Variants in THSD7B observed in about 807,000 individuals in gnomAD.
THSD7B encodes the protein thrombospondin type 1 domain containing 7B, also known as thrombospondin type-1 domain-containing protein 7B.
In THSD7B, 138 loss-of-function variants were observed where a neutral mutation model predicts 213.6. That is an observed-to-expected ratio of 0.65 (90% CI 0.56 to 0.74). THSD7B has a LOEUF of 0.74. Among genes scored for constraint, THSD7B ranks in the 30% least tolerant of loss-of-function variants. The pLI is 0.00. For missense variants in THSD7B, 1,931 were observed against 1,991.5 expected, an observed-to-expected ratio of 0.97 and a Z score of 0.58; for synonymous variants, 742 against 687.0, an observed-to-expected ratio of 1.08 and a Z score of -1.25.
chr2:137,228,005 A>C (rs1681548778), intron 7 of THSD7B, among the ~76,000 whole-genome samples: 1 of 152,294 alleles, frequency 6.6e-6, no homozygotes, highest in African/African-American at 2.4e-5. Flanking sequence ...TCATTATTTG[A>C]TTCCTACAAA....
At chr2:137,623,126 T>G (rs1378582410) in intron 20 of THSD7B, among the ~76,000 whole-genome samples, 1 of 152,140 alleles carries the variant, frequency 6.6e-6, no homozygotes. Flanking sequence ...AAAGCTTACC[T>G]ACCACGATCA....
At chr2:137,294,583 C>CA (rs1210363889) in intron 12 of THSD7B, among the ~76,000 whole-genome samples, 4,884 of 72,760 alleles carry the variant, frequency 0.067, 161 homozygotes, top group South Asian at 0.1. Flanking sequence ...AACTCCATCT[C>CA]AAAAAAAAAA....
intron 14 of THSD7B, among the ~76,000 whole-genome samples, chr2:137,417,255 T>C (rs537098171): frequency 4.6e-4 from 70 of 152,326 alleles, no homozygotes; most frequent in Middle Eastern, 3.4e-3. Flanking sequence ...AGATTTGCTG[T>C]GTATGTATTG....
chr2:137,166,922 T>G (rs1680146343), intron 6 of THSD7B, among the ~76,000 whole-genome samples: 1 of 152,152 alleles, frequency 6.6e-6, no homozygotes, highest in African/African-American at 2.4e-5. Context: ...TCATGCTGAC[T>G]TCACCCTATC....
chr2:137,367,036 T>A (rs1438664577), intron 12 of THSD7B, among the ~76,000 whole-genome samples: 1 of 152,170 alleles, frequency 6.6e-6, no homozygotes, highest in Non-Finnish European at 1.5e-5. Flanking sequence ...TCAGACTTCA[T>A]TCACCTGGGT....
intron 10 of THSD7B, among the ~76,000 whole-genome samples, chr2:137,245,950 A>G (rs10211290): frequency 0.55 from 83,175 of 151,972 alleles, 24,841 homozygotes; most frequent in South Asian, 0.77. Flanking sequence ...GGAATTGTAT[A>G]TTTCTATAAG....
chr2:137,384,705 G>A (rs115531181), intron 12 of THSD7B, among the ~76,000 whole-genome samples: 3,097 of 152,244 alleles, frequency 0.02, 109 homozygotes, highest in African/African-American at 0.069. Context: ...GAGTGACTTG[G>A]CAGAAGGAGG....
At chr2:137,056,297 T>C (rs538068391) in intron 2 of THSD7B, 123 bp from the exon 3 acceptor site, 2 of 954,334 alleles carry the variant, frequency 2.1e-6, no homozygotes, top group Non-Finnish European at 3.0e-6. Context: ...GTTGTCTCTG[T>C]TCCACCAAAA....
chr2:137,472,177 A>G (rs1688107230), intron 15 of THSD7B, among the ~76,000 whole-genome samples: 1 of 152,188 alleles, frequency 6.6e-6, no homozygotes, highest in African/African-American at 2.4e-5. Context: ...CCTTAATGCC[A>G]GAATATGAGA....
chr2:137,001,211 G>A (rs1033161385), intron 2 of THSD7B, among the ~76,000 whole-genome samples: 1 of 152,002 alleles, frequency 6.6e-6, no homozygotes, highest in East Asian at 1.9e-4. Flanking sequence ...TCCCCAGTGT[G>A]GTGATGACTG....
At chr2:137,364,230 T>C (rs564727428) in intron 12 of THSD7B, among the ~76,000 whole-genome samples, 1 of 152,316 alleles carries the variant, frequency 6.6e-6, no homozygotes, top group Non-Finnish European at 1.5e-5. Context: ...AACTAGGTAT[T>C]GATGGGACAT....
chr2:137,589,891 G>A (rs1356360485), intron 17 of THSD7B, among the ~76,000 whole-genome samples: 1 of 152,116 alleles, frequency 6.6e-6, no homozygotes, highest in Non-Finnish European at 1.5e-5. Flanking sequence ...GTTAGATTGA[G>A]ATCATTTATG....
intron 1 of THSD7B, among the ~76,000 whole-genome samples, chr2:136,881,669 A>G (rs1394259966): frequency 2.6e-5 from 4 of 152,024 alleles, no homozygotes; most frequent in African/African-American, 9.7e-5. Flanking sequence ...AACATAACAT[A>G]TATTTACTAC....
intron 2 of THSD7B, among the ~76,000 whole-genome samples, chr2:137,005,095 G>A (rs1686078496): frequency 6.6e-6 from 1 of 152,168 alleles, no homozygotes; most frequent in South Asian, 2.1e-4. Context: ...TATGCACTAT[G>A]TAGCAGAAGA....
chr2:136,899,825 T>C (rs1252697485), intron 2 of THSD7B, among the ~76,000 whole-genome samples: 1 of 152,226 alleles, frequency 6.6e-6, no homozygotes, highest in African/African-American at 2.4e-5. Flanking sequence ...AAATGAAGTA[T>C]AAGTTCTAAA....
intron 12 of THSD7B, among the ~76,000 whole-genome samples, chr2:137,400,341 C>A (rs62165743): frequency 6.6e-6 from 1 of 152,030 alleles, no homozygotes; most frequent in East Asian, 1.9e-4. Flanking sequence ...TTGATTTCTG[C>A]GCATCTAGAG....
chr2:137,193,276 G>A (rs1680695952), intron 7 of THSD7B, among the ~76,000 whole-genome samples: 1 of 152,196 alleles, frequency 6.6e-6, no homozygotes. Flanking sequence ...ACTTGTATGA[G>A]TGTGTGTTTG....
chr2:137,411,753 A>G lies in THSD7B; in HGVS notation c.2840A>G (p.His947Arg). 1.9e-6 allele frequency: 3 copies of G among 1,613,954 alleles called. No homozygotes were observed. Among genetic ancestry groups the G allele is most frequent in the Non-Finnish European group, 2.5e-6 (3 of 1,179,898 alleles). ...CTTCCAGAAGGCAGAAGGGAGCCTC[A>G]CCGAGGACTGCGGGTACAAGCAGAC... is the stretch of plus-strand genomic sequence containing the variant. ...CILPEGRREP[H>R]RGLRVQADSK... Residue 947 changes from histidine (H) to arginine (R), a missense_variant, in exon 14 of 28, where the codon CAC becomes CGC. His to Arg is a conservative substitution (Grantham distance 29). Transcript: ENST00000409968.
At chr2:137,451,912 GCTTCTATTACTAATTCTA>G in intron 15 of THSD7B, 1 of 227,062 alleles carries the variant, frequency 4.4e-6, no homozygotes, top group Non-Finnish European at 7.3e-6. Context: ...AGCTACACAT[GCTTCTATTACTAATTCTA>G]GTATATGAAT....
Sources: allele counts gnomAD v4.1 joint callset (sites outside exome capture counted in the v4.1 genomes callset), GRCh38; gene constraint gnomAD v4.1.1; transcripts MANE v1.5; gene names NCBI Gene and HGNC (gene_info 2026-07-23, HGNC 2026-07-21).